The following FCHSD1 variants were observed in gnomAD, a reference collection of about 807,000 sequenced individuals.
FCHSD1 encodes the protein F-BAR and double SH3 domains protein 1.
FCHSD1 carries 109 observed loss-of-function variants against 101.3 expected under a neutral mutation model. The observed-to-expected ratio is 1.08, with a 90% CI of 0.92 to 1.26. The LOEUF is 1.26. Among genes scored for constraint, FCHSD1 ranks in the 50% most tolerant of loss-of-function variants. The pLI is 0.00. For missense variants in FCHSD1, 820 were observed against 895.8 expected (o/e 0.92, Z 1.08); for synonymous variants, 291 against 356.8 (o/e 0.82, Z 2.08).
chr5:141,643,100 G>A lies in FCHSD1; in HGVS notation c.1864-12C>T, dbSNP rs1290958492. On this transcript the variant is annotated splice_polypyrimidine_tract_variant and intron_variant, in intron 17 of 19. Coordinates refer to ENST00000435817, the MANE Select transcript of FCHSD1 (RefSeq NM_033449.3). ...GGGGACGGCAGCATCTGGAGGTGGG[G>A]TGGGCACAGAGTTATTCCTGGCATG... is the stretch of plus-strand genomic sequence containing the variant. The A allele has an allele frequency of 2.7e-6, 4 of 1,460,072 alleles. No homozygotes were observed. In the Admixed American group the frequency reaches 8.2e-5, roughly 30 times the overall value. 90.4% of individuals were successfully genotyped at this position (1,460,072 alleles called of 1,614,324 possible).
chr5:141,640,363 T>A lies in FCHSD1; in HGVS notation c.*1135A>T, dbSNP rs149611844. ...TGCTCTCTACTCTGGGGGGCACTGATAGGACCTACTCCTGGTCTCTCATTG... is the reference window on the plus strand; with the variant it reads ...TGCTCTCTACTCTGGGGGGCACTGAAAGGACCTACTCCTGGTCTCTCATTG... On this transcript the variant is annotated 3_prime_UTR_variant, in exon 20 of 20. Transcript: ENST00000435817. 6.2e-7 allele frequency: 1 copy of A among 1,614,120 alleles called. No individual in the cohort carries two copies. The highest frequency in any genetic ancestry group is 8.5e-7 in the Non-Finnish European group (1 of 1,179,994).
At position 141,649,825 on chromosome 5, in the gene FCHSD1, C is replaced by T. The variant is rs1051934980; in HGVS notation, c.233+62G>A. On this transcript the variant is annotated intron_variant, in intron 4 of 19. Coordinates refer to ENST00000435817, the MANE Select transcript of FCHSD1 (RefSeq NM_033449.3). The surrounding 1 kb of genome is among the most constrained non-coding windows in gnomAD (Gnocchi z 4.1). ...TGCTAGGCCTTCATCCCCACAGGTT[C>T]CTGGGGCTGAGCTCCCCATCACTTT... is the stretch of plus-strand genomic sequence containing the variant. The T allele has an allele frequency of 7.9e-6, 12 of 1,512,778 alleles. No homozygotes were observed. Among genetic ancestry groups the T allele is most frequent in the Non-Finnish European group, 1.1e-5 (12 of 1,126,810 alleles). The allele number at this position is 1,512,778 out of a possible 1,614,324, so 93.7% of individuals were successfully genotyped here. A position where few individuals can be genotyped will look rare whatever the true frequency, so the allele number is the denominator to read the frequency against.
rs1176132039 is a variant in FCHSD1, at chr5:141,649,144, TG to T, written c.512+27del. 2 of 1,613,796 alleles carry T rather than the reference TG, an allele frequency of 1.2e-6. No individual in the cohort carries two copies. The highest frequency in any genetic ancestry group is 2.7e-5 in the African/African-American group (2 of 74,908). ...GCCCCACCTCCCTGTTCCCCAACCT[TG>T]GGCTTCCTCACTCTCCATGACCCCA... On this transcript the variant is annotated intron_variant, in intron 6 of 19. Coordinates refer to ENST00000435817, the MANE Select transcript of FCHSD1 (RefSeq NM_033449.3). This position sits in a 1 kb window ranked among gnomAD's most constrained non-coding sequence, Gnocchi z 4.1.
rs747856921 is a variant in FCHSD1, at chr5:141,649,876, A to G, written c.233+11T>C. 5.2e-6 allele frequency: 8 copies of G among 1,546,166 alleles called. No homozygotes were observed. The highest frequency in any genetic ancestry group is 4.1e-5 in the Admixed American group (2 of 48,622). ...TTGGCCTCTGTGGCCCTCCCCCTCC[A>G]TAGGGCCCACCTGCTGTCCATCTCA... On this transcript the variant is annotated intron_variant, in intron 4 of 19. Coordinates refer to ENST00000435817, the MANE Select transcript of FCHSD1 (RefSeq NM_033449.3). This position sits in a 1 kb window ranked among gnomAD's most constrained non-coding sequence, Gnocchi z 4.1.
In FCHSD1 at chr5:141,639,359, A is replaced by T; in HGVS notation, c.*2139T>A. ...ACAAGAAAAAATGGGGCTTGGGGAAATTGGGGCTTCTGGGGTTTTAAGGAG... is the reference window on the plus strand; with the variant it reads ...ACAAGAAAAAATGGGGCTTGGGGAATTTGGGGCTTCTGGGGTTTTAAGGAG... On this transcript the variant is annotated 3_prime_UTR_variant, in exon 20 of 20. Transcript: ENST00000435817. This position sits in a 1 kb window ranked among gnomAD's most constrained non-coding sequence, Gnocchi z 4.4. 1 of 904,740 alleles carries T rather than the reference A, an allele frequency of 1.1e-6. No individual in the cohort carries two copies. The highest frequency in any genetic ancestry group is 1.7e-6 in the Non-Finnish European group (1 of 601,156). 56.0% of individuals were successfully genotyped at this position (904,740 alleles called of 1,614,324 possible). A position where few individuals can be genotyped will look rare whatever the true frequency, so the allele number is the denominator to read the frequency against.
At position 141,639,386 on chromosome 5, in the gene FCHSD1, A is replaced by T; in HGVS notation, c.*2112T>A. ...TGGGGCTTCTGGGGTTTTAAGGAGC[A>T]TGCTGAAAGAACGTAAGAAACAAAA... On this transcript the variant is annotated 3_prime_UTR_variant, in exon 20 of 20. Transcript: ENST00000435817. The surrounding 1 kb of genome is among the most constrained non-coding windows in gnomAD (Gnocchi z 4.4). 8.0e-7 allele frequency: 1 copy of T among 1,251,596 alleles called. No homozygotes were observed. Among genetic ancestry groups the T allele is most frequent in the Non-Finnish European group, 1.1e-6 (1 of 895,316 alleles). 77.5% of individuals were successfully genotyped at this position (1,251,596 alleles called of 1,614,324 possible). A position where few individuals can be genotyped will look rare whatever the true frequency, so the allele number is the denominator to read the frequency against.
chr5:141,644,715 A>G, intron 15 of FCHSD1, 25 bp from the exon 16 acceptor site: 1 of 1,612,952 alleles, frequency 6.2e-7, no homozygotes, highest in Non-Finnish European at 8.5e-7. Flanking sequence ...ATGTGAACAG[A>G]TATTAGACTT....
rs766268818 is a variant in FCHSD1, at chr5:141,645,190, A to G, written c.1312-42T>C. On this transcript the variant is annotated intron_variant, in intron 13 of 19. Transcript: ENST00000435817. ...CAGACCTCATATGGGGCCCACTCTC[A>G]AGCACTGGTTCTATCTCCCACTCTT... is the stretch of plus-strand genomic sequence containing the variant. 5.9e-5 allele frequency: 89 copies of G among 1,515,182 alleles called. No homozygotes were observed. The Admixed American group carries it at 9.7e-4, about 17-fold the overall frequency. 93.9% of individuals were successfully genotyped at this position (1,515,182 alleles called of 1,614,324 possible). A position where few individuals can be genotyped will look rare whatever the true frequency, so the allele number is the denominator to read the frequency against.
At chr5:141,645,975 C>T (rs2099907609) in intron 12 of FCHSD1, 43 bp from the exon 13 acceptor site, 3 of 1,545,920 alleles carry the variant, frequency 1.9e-6, no homozygotes, top group Non-Finnish European at 2.6e-6. Flanking sequence ...TGGCTGACGG[C>T]AGTGTTTACT....
intron 17 of FCHSD1, 129 bp from the exon 18 acceptor site, chr5:141,643,217 G>A (rs894337658): frequency 1.6e-6 from 1 of 610,250 alleles, no homozygotes. Flanking sequence ...GCTTGCATTC[G>A]GTGGGGGGGT....
chr5:141,639,423 A>G lies in FCHSD1; in HGVS notation c.*2075T>C, dbSNP rs1035078373. 9 of 1,509,686 alleles carry G rather than the reference A, an allele frequency of 6.0e-6. No homozygotes were observed. The African/African-American group carries it at 1.1e-4, about 19-fold the overall frequency. The allele number at this position is 1,509,686 out of a possible 1,614,324, so 93.5% of individuals were successfully genotyped here. A position where few individuals can be genotyped will look rare whatever the true frequency, so the allele number is the denominator to read the frequency against. On this transcript the variant is annotated 3_prime_UTR_variant, in exon 20 of 20. Coordinates refer to ENST00000435817, the MANE Select transcript of FCHSD1 (RefSeq NM_033449.3). This position sits in a 1 kb window ranked among gnomAD's most constrained non-coding sequence, Gnocchi z 4.4. ...CGTAAGAAACAAAACATGAAGGGAA[A>G]TGGAAATGTTACCCTCACTCCCCTC...
At position 141,645,915 on chromosome 5, in the gene FCHSD1, C is replaced by G; in HGVS notation, c.1167G>C (p.Gly389=). ...CCTGCAGCAGGGCCAGCCGGGCAGCCCCCTTCACCTGGCTCACCTGCCATG... is the reference window on the plus strand; with the variant it reads ...CCTGCAGCAGGGCCAGCCGGGCAGCGCCCTTCACCTGGCTCACCTGCCATG... The part of the protein sequence containing the change: ...IRRAQVSQVK[G]AARLALLQGA... Residue 389 remains glycine, a synonymous_variant, in exon 13 of 20, where the codon GGG becomes GGC. Coordinates refer to ENST00000435817, the MANE Select transcript of FCHSD1 (RefSeq NM_033449.3). 3 of 1,569,572 alleles carry G rather than the reference C, an allele frequency of 1.9e-6. No individual in the cohort carries two copies. The highest frequency in any genetic ancestry group is 2.6e-6 in the Non-Finnish European group (3 of 1,156,904).
At chr5:141,645,980 T>C (rs1440672285) in intron 12 of FCHSD1, 48 bp from the exon 13 acceptor site, 6 of 1,543,694 alleles carry the variant, frequency 3.9e-6, no homozygotes, top group Non-Finnish European at 5.3e-6. Context: ...GACGGCAGTG[T>C]TTACTCTCTG....
chr5:141,649,210 C>T lies in FCHSD1; in HGVS notation c.474G>A (p.Trp158Ter). ...RKLYGQRERV[W>*]ALAQEKAADV... ...CAGCCGCCTTCTCCTGTGCCAAGGC[C>T]CACACACGTTCCCGCTGCCCATACA... Residue 158 changes from tryptophan to a stop codon, truncating the protein, a stop_gained, in exon 6 of 20, where the codon TGG becomes TGA. Coordinates refer to ENST00000435817, the MANE Select transcript of FCHSD1 (RefSeq NM_033449.3). LOFTEE classifies it high-confidence loss of function. The surrounding 1 kb of genome is among the most constrained non-coding windows in gnomAD (Gnocchi z 4.1). The T allele has an allele frequency of 6.2e-7, 1 of 1,614,024 alleles. No homozygotes were observed. Among genetic ancestry groups the T allele is most frequent in the Non-Finnish European group, 8.5e-7 (1 of 1,179,894 alleles).
chr5:141,647,603 A>G, intron 8 of FCHSD1, 83 bp from the exon 9 acceptor site: 1 of 1,582,870 alleles, frequency 6.3e-7, no homozygotes, highest in Non-Finnish European at 8.6e-7. Context: ...TTGACAGGTG[A>G]TGGGCATGAG....
chr5:141,649,756 GC>G lies in FCHSD1; in HGVS notation c.233+130del. 1 of 1,234,174 alleles carries G rather than the reference GC, an allele frequency of 8.1e-7. No individual in the cohort carries two copies. Among genetic ancestry groups the G allele is most frequent in the Middle Eastern group, 2.4e-4 (1 of 4,090 alleles). 76.5% of individuals were successfully genotyped at this position (1,234,174 alleles called of 1,614,324 possible). A position where few individuals can be genotyped will look rare whatever the true frequency, so the allele number is the denominator to read the frequency against. ...TCCTTGCTGGGTCAGCTCCTCTGCT[GC>G]TGCTGTGTCAGCTCTACCTACAGCT... On this transcript the variant is annotated intron_variant, in intron 4 of 19. Transcript: ENST00000435817. This position sits in a 1 kb window ranked among gnomAD's most constrained non-coding sequence, Gnocchi z 4.1.
rs147099286 is a variant in FCHSD1, at chr5:141,650,648, G to A, written c.120-244C>T. On this transcript the variant is annotated intron_variant, in intron 2 of 19. Coordinates refer to ENST00000435817, the MANE Select transcript of FCHSD1 (RefSeq NM_033449.3). ...CAGCAGGATCCTCCCCACCCCAGAGGTTCATCTGTAGGCTTAGAGGTGAAG... is the reference window on the plus strand; with the variant it reads ...CAGCAGGATCCTCCCCACCCCAGAGATTCATCTGTAGGCTTAGAGGTGAAG... Among the ~76,000 whole-genome samples, 276 of 152,174 alleles carry A rather than the reference G, an allele frequency of 1.8e-3. 1 individual carries two copies. Among genetic ancestry groups the A allele is most frequent in the African/African-American group, 6.5e-3 (269 of 41,496 alleles).
Position 141,643,106 on chromosome 5 carries a change from A to T in FCHSD1, c.1864-18T>A, listed in dbSNP as rs1354417621. 1.4e-6 allele frequency: 2 copies of T among 1,446,322 alleles called. No individual in the cohort carries two copies. The highest frequency in any genetic ancestry group is 1.8e-6 in the Non-Finnish European group (2 of 1,098,294). 89.6% of individuals were successfully genotyped at this position (1,446,322 alleles called of 1,614,324 possible). On this transcript the variant is annotated intron_variant, in intron 17 of 19. Coordinates refer to ENST00000435817, the MANE Select transcript of FCHSD1 (RefSeq NM_033449.3). ...GGCAGCATCTGGAGGTGGGGTGGGC[A>T]CAGAGTTATTCCTGGCATGTGGGGA...
chr5:141,640,178 G>A lies in FCHSD1; in HGVS notation c.*1320C>T. ...GCCTAACCCCTCGTGCACTTGAAGG[G>A]AACCCCAGAGCTTCTGCAGAGCCAA... On this transcript the variant is annotated 3_prime_UTR_variant, in exon 20 of 20. Transcript: ENST00000435817. 6 of 1,614,164 alleles carry A rather than the reference G, an allele frequency of 3.7e-6. No homozygotes were observed. The highest frequency in any genetic ancestry group is 1.1e-5 in the South Asian group (1 of 91,088).
Sources: gnomAD v4.1 joint callset for allele counts (sites outside exome capture counted in the v4.1 genomes callset) on GRCh38, gnomAD v4.1.1 for gene constraint, Gnocchi (gnomAD v3.1) non-coding constraint, MANE v1.5 for transcripts, NCBI Gene and HGNC (gene_info 2026-07-23, HGNC 2026-07-21) for gene names.